The following CTNNA2 variants were observed in gnomAD, a reference collection of about 807,000 sequenced individuals.
CTNNA2 encodes the protein catenin alpha 2, also known as catenin alpha-2.
CTNNA2 carries 42 observed loss-of-function variants against 101.0 expected under a neutral mutation model. The ratio of observed to expected loss-of-function variants is 0.42; its 90% CI spans 0.32 to 0.54. CTNNA2 has a LOEUF of 0.54. CTNNA2 is among the 20% of genes least tolerant of loss of function. The pLI is 0.14. For synonymous variants in CTNNA2, 450 were observed against 456.4 expected (o/e 0.99, Z 0.18); for missense variants, 871 against 1,223.1 (o/e 0.71, Z 4.29).
At chr2:80,441,518 A>T (rs965081167) in intron 9 of CTNNA2, among the ~76,000 whole-genome samples, 12 of 152,202 alleles carry the variant, frequency 7.9e-5, no homozygotes, top group Non-Finnish European at 1.6e-4. Context: ...GTTGCAAAAA[A>T]ATATATAAAA....
chr2:80,164,990 G>T (rs946464186), intron 7 of CTNNA2, among the ~76,000 whole-genome samples: 1 of 134,920 alleles, frequency 7.4e-6, no homozygotes, highest in Admixed American at 7.8e-5. Flanking sequence ...CTTAATTTTC[G>T]GAAGTGTAAA....
chr2:79,962,817 A>G (rs983073070), intron 7 of CTNNA2, among the ~76,000 whole-genome samples: 1 of 152,174 alleles, frequency 6.6e-6, no homozygotes, highest in African/African-American at 2.4e-5. Flanking sequence ...CACGCCTGTA[A>G]TCCCAGCACT....
chr2:80,461,488 A>T (rs1684420738), intron 9 of CTNNA2, among the ~76,000 whole-genome samples: 1 of 152,186 alleles, frequency 6.6e-6, no homozygotes, highest in African/African-American at 2.4e-5. Flanking sequence ...TCCCATTGCT[A>T]GGGTTCCTAT....
chr2:79,753,590 A>G (rs2105043340), intron 3 of CTNNA2, among the ~76,000 whole-genome samples: 1 of 152,314 alleles, frequency 6.6e-6, no homozygotes, highest in Non-Finnish European at 1.5e-5. Context: ...GACAAATCCA[A>G]ACAGCTAAGA....
At chr2:79,768,788 C>T (rs1673355126) in intron 3 of CTNNA2, among the ~76,000 whole-genome samples, 1 of 152,148 alleles carries the variant, frequency 6.6e-6, no homozygotes, top group South Asian at 2.1e-4. Flanking sequence ...CGCCAACTCT[C>T]TCATACCGTG....
At chr2:79,577,870 A>G (rs1675895560) in intron 1 of CTNNA2, among the ~76,000 whole-genome samples, 1 of 152,190 alleles carries the variant, frequency 6.6e-6, no homozygotes, top group African/African-American at 2.4e-5. Flanking sequence ...ATGTTTAGGA[A>G]GAAGTTGATT....
intron 7 of CTNNA2, among the ~76,000 whole-genome samples, chr2:79,996,963 T>C (rs1198421383): frequency 6.6e-6 from 1 of 152,122 alleles, no homozygotes; most frequent in African/African-American, 2.4e-5. Context: ...GGTGTGGAAC[T>C]GTGCCCTAGC....
intron 7 of CTNNA2, among the ~76,000 whole-genome samples, chr2:80,325,410 C>A (rs571413309): frequency 1.3e-5 from 2 of 152,296 alleles, no homozygotes; most frequent in South Asian, 2.1e-4. Flanking sequence ...ATCCTTTAAC[C>A]TTAGTCTCCA....
chr2:79,874,863 A>G (rs1412578978), intron 6 of CTNNA2, among the ~76,000 whole-genome samples: 4 of 152,226 alleles, frequency 2.6e-5, no homozygotes, highest in Admixed American at 1.3e-4. Context: ...TTCCAGGTAG[A>G]TGAGATAACT....
At chr2:79,507,131 AAC>A (rs1242677231) in intron 5 of CTNNA2, among the ~76,000 whole-genome samples, 2 of 152,198 alleles carry the variant, frequency 1.3e-5, no homozygotes, top group Non-Finnish European at 2.9e-5. Flanking sequence ...GGGAAAGAAA[AAC>A]ACATTGAGTC....
chr2:80,643,448 ATTTGTTAAATGTATGCCCT>A lies in CTNNA2; in HGVS notation c.2575-4135_2575-4117del, dbSNP rs540797820. 3.6e-4 allele frequency among the ~76,000 whole-genome samples: 55 copies of A among 152,314 alleles called. 1 individual carries two copies. In the South Asian group the frequency reaches 0.011, roughly 30 times the overall value. ...AGTTCAGAAAACAGCACATGGTCTA[ATTTGTTAAATGTATGCCCT>A]TGTTTTTAAACTAGCTGAAAATAAG... is the stretch of plus-strand genomic sequence containing the variant. On this transcript the variant is annotated intron_variant, in intron 18 of 18. Transcript: ENST00000402739.
intron 7 of CTNNA2, among the ~76,000 whole-genome samples, chr2:80,387,465 G>T (rs1170197469): frequency 6.6e-6 from 1 of 152,200 alleles, no homozygotes; most frequent in East Asian, 1.9e-4. Flanking sequence ...TAGGGAGACA[G>T]TGGGGTGGGG....
At chr2:80,552,557 A>G (rs1208246928) in intron 11 of CTNNA2, among the ~76,000 whole-genome samples, 1 of 152,164 alleles carries the variant, frequency 6.6e-6, no homozygotes, top group Non-Finnish European at 1.5e-5. Flanking sequence ...AACTGTAATT[A>G]TATGTTGCTT....
At chr2:80,408,045 A>G (rs976372486) in intron 8 of CTNNA2, among the ~76,000 whole-genome samples, 8 of 152,320 alleles carry the variant, frequency 5.3e-5, no homozygotes, top group African/African-American at 1.9e-4. Flanking sequence ...CATCTGCACC[A>G]AGAAGTAAAT....
chr2:80,508,195 A>C (rs999900606), intron 9 of CTNNA2, among the ~76,000 whole-genome samples: 3 of 152,198 alleles, frequency 2.0e-5, no homozygotes, highest in African/African-American at 7.2e-5. Flanking sequence ...GGCTGGACAC[A>C]GTGGCTCATG....
rs73938726 is a variant in CTNNA2, at chr2:79,562,181, A to G, written c.-6+48974A>G. On this transcript the variant is annotated intron_variant, in intron 1 of 18. Transcript: ENST00000402739. ...ACATTCTTTTGTATGTGGATAGCCA[A>G]TTGTTTCAACACTATCTTCAAAGAT... Among the ~76,000 whole-genome samples the G allele has an allele frequency of 7.9e-3, 1,201 of 152,158 alleles. 15 individuals are homozygous for G. Among genetic ancestry groups the G allele is most frequent in the African/African-American group, 0.027 (1,134 of 41,556 alleles).
At chr2:79,873,598 T>C (rs1319751078) in intron 5 of CTNNA2, among the ~76,000 whole-genome samples, 1 of 152,066 alleles carries the variant, frequency 6.6e-6, no homozygotes, top group East Asian at 1.9e-4. Flanking sequence ...CTCAGGCATT[T>C]CACATAGAAG....
chr2:80,036,809 T>TTG lies in CTNNA2; in HGVS notation c.1056+127024_1056+127025dup, dbSNP rs145965045. On this transcript the variant is annotated intron_variant, in intron 7 of 18. Coordinates refer to ENST00000402739, the MANE Select transcript of CTNNA2 (RefSeq NM_001282597.3). Reference sequence around the variant, plus strand: ...CCATTCACAGTCACTCACTCATTCATTGTGTGTGTGTGTTTGTGTGTGTGT... The same window carrying TTG: ...CCATTCACAGTCACTCACTCATTCATTGTGTGTGTGTGTGTTTGTGTGTGTGT... 4.7e-3 allele frequency among the ~76,000 whole-genome samples: 652 copies of TTG among 139,186 alleles called. 7 individuals carry two copies. The highest frequency in any genetic ancestry group is 0.017 in the African/African-American group (606 of 35,656). The allele number at this position is 139,186 out of a possible 152,430, so 91.3% of individuals were successfully genotyped here. A position where few individuals can be genotyped will look rare whatever the true frequency, so the allele number is the denominator to read the frequency against.
At chr2:79,998,937 C>T (rs1574503337) in intron 7 of CTNNA2, among the ~76,000 whole-genome samples, 1 of 152,122 alleles carries the variant, frequency 6.6e-6, no homozygotes, top group Non-Finnish European at 1.5e-5. Context: ...TCCTGGTCCA[C>T]GTCATTTCTG....
Sources: allele counts gnomAD v4.1 joint callset (sites outside exome capture counted in the v4.1 genomes callset), GRCh38; gene constraint gnomAD v4.1.1; transcripts MANE v1.5; gene names NCBI Gene and HGNC (gene_info 2026-07-23, HGNC 2026-07-21).